The following MAP2K5 variants were observed in gnomAD, a reference collection of about 807,000 sequenced individuals.
MAP2K5 encodes the protein dual specificity mitogen-activated protein kinase kinase 5.
Under a neutral mutation model 83.1 loss-of-function variants are expected in MAP2K5, and 49 were observed. The ratio of observed to expected loss-of-function variants is 0.59; its 90% CI spans 0.47 to 0.75. MAP2K5 has a LOEUF of 0.75. Among genes scored for constraint, MAP2K5 ranks in the 30% least tolerant of loss-of-function variants. The pLI is 0.00. For missense variants in MAP2K5, 457 were observed against 557.5 expected (o/e 0.82, Z 1.82); for synonymous variants, 202 against 191.8 (o/e 1.05, Z -0.44).
chr15:67,791,977 A>G (rs572194379), intron 21 of MAP2K5, among the ~76,000 whole-genome samples: 3 of 152,334 alleles, frequency 2.0e-5, no homozygotes, highest in African/African-American at 7.2e-5. Flanking sequence ...AGTCAGGGCA[A>G]TTCTTACCTC....
chr15:67,790,994 C>T lies in MAP2K5; in HGVS notation c.1243-15652C>T, dbSNP rs2141332183. 6.6e-6 allele frequency among the ~76,000 whole-genome samples: 1 copy of T among 152,248 alleles called. No homozygotes were observed. Among genetic ancestry groups the T allele is most frequent in the African/African-American group, 2.4e-5 (1 of 41,544 alleles). ...TGTAGAGAATGAAATCCATAGGACT[C>T]CTGGAAACCACAGGTAAATTATTAC... On this transcript the variant is annotated intron_variant, in intron 21 of 21. Transcript: ENST00000178640. The surrounding 1 kb of genome is among the most constrained non-coding windows in gnomAD (Gnocchi z 4.6).
In MAP2K5 at chr15:67,698,382, G is replaced by A. The variant is rs911968808; in HGVS notation, c.972+4814G>A. ...TTTGTATTTTTAGTAGAGATGGGGG[G>A]TTGCGCCATGTTGGCCATGCTGGTC... is the stretch of plus-strand genomic sequence containing the variant. On this transcript the variant is annotated intron_variant, in intron 15 of 21. Coordinates refer to ENST00000178640, the MANE Select transcript of MAP2K5 (RefSeq NM_145160.3). This position sits in a 1 kb window ranked among gnomAD's most constrained non-coding sequence, Gnocchi z 4.5. Among the ~76,000 whole-genome samples, 2 of 151,898 alleles carry A rather than the reference G, an allele frequency of 1.3e-5. No homozygotes were observed. Among genetic ancestry groups the A allele is most frequent in the African/African-American group, 4.8e-5 (2 of 41,352 alleles).
chr15:67,739,228 C>T (rs2089413018), intron 17 of MAP2K5, among the ~76,000 whole-genome samples: 1 of 146,676 alleles, frequency 6.8e-6, no homozygotes, highest in Non-Finnish European at 1.5e-5. Context: ...TGTAATGAGC[C>T]ATGATCGTGC....
In MAP2K5 at chr15:67,562,877, A is replaced by G. The variant is rs770457880; in HGVS notation, c.185-406A>G. Among the ~76,000 whole-genome samples the G allele has an allele frequency of 6.6e-6, 1 of 152,284 alleles. No homozygotes were observed. Among genetic ancestry groups the G allele is most frequent in the Non-Finnish European group, 1.5e-5 (1 of 68,024 alleles). On this transcript the variant is annotated intron_variant, in intron 2 of 21. Coordinates refer to ENST00000178640, the MANE Select transcript of MAP2K5 (RefSeq NM_145160.3). The surrounding 1 kb of genome is among the most constrained non-coding windows in gnomAD (Gnocchi z 4.1). Reference sequence around the variant, plus strand: ...TTTTATCATGCTGTTGTGAGATGATAGATTGCCTGGGAGAGAGGAAGAATG... The same window carrying G: ...TTTTATCATGCTGTTGTGAGATGATGGATTGCCTGGGAGAGAGGAAGAATG...
chr15:67,551,962 C>T (rs1448806653), intron 2 of MAP2K5, among the ~76,000 whole-genome samples: 2 of 152,064 alleles, frequency 1.3e-5, no homozygotes, highest in South Asian at 2.1e-4. Flanking sequence ...TATCCAACCA[C>T]GCTTCCCCAA....
At chr15:67,656,745 C>T (rs1430412469) in intron 11 of MAP2K5, among the ~76,000 whole-genome samples, 2 of 152,160 alleles carry the variant, frequency 1.3e-5, no homozygotes, top group African/African-American at 4.8e-5. Flanking sequence ...GTTTTTCCCA[C>T]CTGTCAAGTA....
At position 67,690,774 on chromosome 15, in the gene MAP2K5, T is replaced by A. The variant is rs2088089874; in HGVS notation, c.848-1705T>A. ...GTCTTGAACTCCTGACCCCCAGTGA[T>A]CTGCCTGCCTCAGCCTCCCAAAGTG... On this transcript the variant is annotated intron_variant, in intron 13 of 21. Transcript: ENST00000178640. The surrounding 1 kb of genome is among the most constrained non-coding windows in gnomAD (Gnocchi z 4.3). Among the ~76,000 whole-genome samples the A allele has an allele frequency of 6.6e-6, 1 of 152,178 alleles. No individual in the cohort carries two copies. Among genetic ancestry groups the A allele is most frequent in the Non-Finnish European group, 1.5e-5 (1 of 68,032 alleles).
At chr15:67,653,075 G>A (rs1039421144) in intron 11 of MAP2K5, among the ~76,000 whole-genome samples, 5 of 151,804 alleles carry the variant, frequency 3.3e-5, no homozygotes, top group Non-Finnish European at 7.4e-5. Context: ...AGTCAGTTTT[G>A]GTAGTTTGTG....
chr15:67,743,166 G>T (rs2089531395), intron 17 of MAP2K5, among the ~76,000 whole-genome samples: 1 of 152,186 alleles, frequency 6.6e-6, no homozygotes, highest in Non-Finnish European at 1.5e-5. Flanking sequence ...TTCAAAACTG[G>T]TCACTCCTGA....
At chr15:67,734,938 A>G (rs747492395) in intron 17 of MAP2K5, among the ~76,000 whole-genome samples, 18 of 152,166 alleles carry the variant, frequency 1.2e-4, no homozygotes, top group Admixed American at 2.0e-4. Flanking sequence ...TTCTAAACAG[A>G]TGTCTAGCCT....
In MAP2K5 at chr15:67,543,309, C is replaced by G. The variant is rs748346317; in HGVS notation, c.-27C>G. 4.3e-6 allele frequency: 7 copies of G among 1,614,010 alleles called. No homozygotes were observed. The South Asian group carries it at 7.7e-5, about 18-fold the overall frequency. ...CAGCGGCCAGTGGGTTTCCCATACC[C>G]CAGGATGTGAGCCTCTTTAACCTGT... On this transcript the variant is annotated 5_prime_UTR_variant, in exon 1 of 22. Coordinates refer to ENST00000178640, the MANE Select transcript of MAP2K5 (RefSeq NM_145160.3). This position sits in a 1 kb window ranked among gnomAD's most constrained non-coding sequence, Gnocchi z 4.3.
chr15:67,787,110 G>T (rs575388267), intron 21 of MAP2K5, among the ~76,000 whole-genome samples: 9 of 151,588 alleles, frequency 5.9e-5, no homozygotes, highest in East Asian at 1.9e-4. Flanking sequence ...AAGCAGGGAA[G>T]TGGCTGTTCA....
chr15:67,751,110 T>C (rs1301054483), intron 19 of MAP2K5, among the ~76,000 whole-genome samples: 3 of 152,088 alleles, frequency 2.0e-5, no homozygotes, highest in Admixed American at 2.0e-4. Context: ...CAAAGATGAA[T>C]GTTAGAGCCA....
At chr15:67,655,627 T>G (rs897784788) in intron 11 of MAP2K5, among the ~76,000 whole-genome samples, 4 of 152,210 alleles carry the variant, frequency 2.6e-5, no homozygotes, top group African/African-American at 9.6e-5. Context: ...CTTCTCTTGC[T>G]GCTTTCAAGA....
rs530348973 is a variant in MAP2K5 at position 67,667,165 on chromosome 15, A to G, written c.847+2520A>G. 2.0e-5 allele frequency among the ~76,000 whole-genome samples: 3 copies of G among 152,322 alleles called. No homozygotes were observed. In the East Asian group the frequency reaches 5.8e-4, roughly 29 times the overall value. The stretch of plus-strand genomic sequence containing the variant: ...ACTTAATATTTTAGAGGTTTTGTCC[A>G]TATTTAATAACTTGGATTCCATAAA... On this transcript the variant is annotated intron_variant, in intron 13 of 21. Transcript: ENST00000178640.
chr15:67,658,346 C>A (rs1236391754), intron 11 of MAP2K5, among the ~76,000 whole-genome samples: 1 of 152,082 alleles, frequency 6.6e-6, no homozygotes, highest in East Asian at 1.9e-4. Context: ...CTATACACTT[C>A]AGAATAAAAT....
In MAP2K5 at chr15:67,577,873, G is replaced by A. The variant is rs2589976; in HGVS notation, c.253-2881G>A. Among the ~76,000 whole-genome samples the A allele has an allele frequency of 0.017, 2,582 of 152,194 alleles. 78 individuals carry two copies. Among genetic ancestry groups the A allele is most frequent in the African/African-American group, 0.058 (2,389 of 41,506 alleles). ...AAAATTAGCCGGGCCAGTGGTGGGT[G>A]CCTGTAATCCCAGCTACTTGGGAGG... On this transcript the variant is annotated intron_variant, in intron 3 of 21. Coordinates refer to ENST00000178640, the MANE Select transcript of MAP2K5 (RefSeq NM_145160.3). The surrounding 1 kb of genome is among the most constrained non-coding windows in gnomAD (Gnocchi z 4.1).
chr15:67,658,732 C>T, intron 12 of MAP2K5, 118 bp downstream of exon 12: 2 of 850,670 alleles, frequency 2.4e-6, no homozygotes, highest in South Asian at 2.7e-5. Flanking sequence ...GCTCCTAAGA[C>T]CTTCTTGATT....
intron 19 of MAP2K5, among the ~76,000 whole-genome samples, chr15:67,762,065 C>T (rs911436328): frequency 6.6e-5 from 10 of 152,164 alleles, no homozygotes; most frequent in Non-Finnish European, 4.4e-5. Context: ...AGACTTCCCA[C>T]GAGGGTGAGC....
Sources: allele counts gnomAD v4.1 joint callset (sites outside exome capture counted in the v4.1 genomes callset), GRCh38; gene constraint gnomAD v4.1.1; non-coding constraint Gnocchi (gnomAD v3.1); transcripts MANE v1.5; gene names NCBI Gene and HGNC (gene_info 2026-07-23, HGNC 2026-07-21).